ITSN1: variants seen among roughly 807,000 people sequenced by gnomAD.
ITSN1 encodes the protein intersectin 1.
A neutral mutation model predicts 239.8 loss-of-function variants in ITSN1; 58 were observed. That is an observed-to-expected ratio of 0.24 (90% confidence interval 0.20 to 0.30). The LOEUF (loss-of-function observed/expected upper bound fraction) is 0.30, where lower values mean the gene tolerates loss of function less well. Among genes scored for constraint, ITSN1 ranks in the 10% least tolerant of loss-of-function variants. ITSN1 has a pLI of 1.00. For synonymous variants in ITSN1, 780 were observed against 770.8 expected, an observed-to-expected ratio of 1.01 and a Z score of -0.20; for missense variants, 1,558 against 2,103.3, an observed-to-expected ratio of 0.74 and a Z score of 5.07.
chr21:33,690,779 A>ATG (rs2091481300), intron 1 of ITSN1, among the ~76,000 whole-genome samples: 1 of 19,914 alleles, frequency 5.0e-5, no homozygotes, highest in African/African-American at 2.3e-4. Context: ...AAAAGTGTAT[A>ATG]TATATATATA....
In ITSN1 at chr21:33,817,083, ACT is replaced by A. The variant is rs1358133895; in HGVS notation, c.2728-1177_2728-1176del. The A allele has an allele frequency of 8.9e-6, 9 of 1,008,342 alleles. No homozygotes were observed. In the East Asian group the frequency reaches 5.6e-4, roughly 62 times the overall value. The allele number at this position is 1,008,342 out of a possible 1,614,324, so 62.5% of individuals were successfully genotyped here. ...GCATGTACAAATTGGTTCTGAAGTAACTCTCTCTAGGCATTATCTTTTGTTCT... is the reference window on the plus strand; with the variant it reads ...GCATGTACAAATTGGTTCTGAAGTAACTCTCTAGGCATTATCTTTTGTTCT... On this transcript the variant is annotated intron_variant, in intron 22 of 39. Coordinates refer to ENST00000381318, the MANE Select transcript of ITSN1 (RefSeq NM_003024.3).
At chr21:33,823,457 T>G in intron 24 of ITSN1, 30 bp from the exon 25 acceptor site, 1 of 1,596,400 alleles carries the variant, frequency 6.3e-7, no homozygotes, top group Non-Finnish European at 8.6e-7. Flanking sequence ...AATCAAGCTC[T>G]CTCCGTATCT....
In ITSN1 at chr21:33,735,199, C is replaced by T; in HGVS notation, c.341C>T (p.Ala114Val). The T allele has an allele frequency of 2.5e-6, 4 of 1,612,528 alleles. No homozygotes were observed. The highest frequency in any genetic ancestry group is 2.2e-5 in the South Asian group (2 of 90,508). ...QQPVAISSAP[A>V]FGMGGIASMP... ...CCAGTTGCTATTTCTAGCGCACCAG[C>T]ATTTGGTAAGTCTGAAAATGAATTG... The change falls in exon 5 of 40, where the codon GCA becomes GTA. Residue 114 changes from alanine (A) to valine (V), a missense_variant. Coordinates refer to ENST00000381318, the MANE Select transcript of ITSN1 (RefSeq NM_003024.3).
chr21:33,755,853 C>CT (rs1409919188), intron 8 of ITSN1, among the ~76,000 whole-genome samples: 1 of 152,126 alleles, frequency 6.6e-6, no homozygotes, highest in Non-Finnish European at 1.5e-5. Context: ...TTGGATATTT[C>CT]TTTATCTATT....
intron 31 of ITSN1, among the ~76,000 whole-genome samples, chr21:33,862,660 C>T (rs1056713412): frequency 3.5e-4 from 54 of 152,176 alleles, no homozygotes; most frequent in African/African-American, 1.2e-3. Flanking sequence ...TGGAGGCAGT[C>T]GTGGCGGGAG....
intron 22 of ITSN1, among the ~76,000 whole-genome samples, chr21:33,816,876 G>A (rs897222779): frequency 2.0e-5 from 3 of 152,116 alleles, no homozygotes; most frequent in Non-Finnish European, 4.4e-5. Flanking sequence ...AGGAGTGAAT[G>A]TACAGCTAAG....
intron 29 of ITSN1, among the ~76,000 whole-genome samples, chr21:33,844,258 G>A (rs1303665628): frequency 3.3e-5 from 5 of 152,222 alleles, no homozygotes; most frequent in African/African-American, 9.6e-5. Context: ...CTACTCAGCA[G>A]ACTCTTGGTT....
rs75319833 is a variant in ITSN1 at position 33,748,366 on chromosome 21, C to T, written c.347-1777C>T. Among the ~76,000 whole-genome samples the T allele has an allele frequency of 7.2e-3, 1,093 of 152,080 alleles. 13 individuals are homozygous for T. The highest frequency in any genetic ancestry group is 0.025 in the African/African-American group (1,041 of 41,470). On this transcript the variant is annotated intron_variant, in intron 5 of 39. Transcript: ENST00000381318. ...TTGGAGGCTGAGGCAAAAGAATCCC[C>T]TGAGCCCAGGAGTTCAAGGTTACAG... is the stretch of plus-strand genomic sequence containing the variant.
intron 16 of ITSN1, among the ~76,000 whole-genome samples, chr21:33,787,221 C>G (rs890588277): frequency 6.6e-6 from 1 of 152,134 alleles, no homozygotes; most frequent in Non-Finnish European, 1.5e-5. Context: ...TGAATTTGAG[C>G]TTGTCTGCAA....
chr21:33,834,560 A>G (rs541648861), intron 28 of ITSN1, 136 bp downstream of exon 28: 8 of 673,610 alleles, frequency 1.2e-5, no homozygotes, highest in Non-Finnish European at 2.1e-5. Context: ...TGGGACTGAC[A>G]CCCAACTAAT....
At chr21:33,754,951 A>G (rs1432292492) in intron 7 of ITSN1, among the ~76,000 whole-genome samples, 3 of 152,252 alleles carry the variant, frequency 2.0e-5, no homozygotes, top group African/African-American at 7.2e-5. Flanking sequence ...TGTTTTAGAA[A>G]TTAGAATAGC....
intron 33 of ITSN1, among the ~76,000 whole-genome samples, chr21:33,873,207 T>C (rs550789952): frequency 1.8e-4 from 28 of 152,236 alleles, no homozygotes; most frequent in Non-Finnish European, 3.4e-4. Flanking sequence ...ACAGTGTGTG[T>C]TTTTCTCCAT....
chr21:33,858,577 C>A, intron 30 of ITSN1, 109 bp from the exon 31 acceptor site: 3 of 651,156 alleles, frequency 4.6e-6, no homozygotes, highest in Middle Eastern at 2.6e-4. Context: ...GGCCTCTCAG[C>A]CAAGGTACAG....
At position 33,856,983 on chromosome 21, in the gene ITSN1, C is replaced by T. The variant is rs538252339; in HGVS notation, c.3783+126C>T. ...AAACTTTCTGATGTTTGAGGAGCAT[C>T]TGGATGGCAAATGCTATAGGAGATT... On this transcript the variant is annotated intron_variant, in intron 30 of 39. Coordinates refer to ENST00000381318, the MANE Select transcript of ITSN1 (RefSeq NM_003024.3). 4.0e-5 allele frequency: 35 copies of T among 876,966 alleles called. No individual in the cohort carries two copies. The South Asian group carries it at 4.9e-4, about 12-fold the overall frequency. The allele number at this position is 876,966 out of a possible 1,614,324, so 54.3% of individuals were successfully genotyped here. A position where few individuals can be genotyped will look rare whatever the true frequency, so the allele number is the denominator to read the frequency against.
intron 4 of ITSN1, among the ~76,000 whole-genome samples, chr21:33,725,804 A>G (rs1569031963): frequency 6.6e-6 from 1 of 152,168 alleles, no homozygotes; most frequent in Non-Finnish European, 1.5e-5. Context: ...CTCTTTTCCC[A>G]AAAGAAATGT....
intron 1 of ITSN1, among the ~76,000 whole-genome samples, chr21:33,675,660 T>C (rs1371013639): frequency 2.6e-5 from 4 of 152,250 alleles, no homozygotes; most frequent in African/African-American, 9.6e-5. Flanking sequence ...GCTGTGTGCC[T>C]GTACCCAGAC....
intron 31 of ITSN1, among the ~76,000 whole-genome samples, chr21:33,863,383 C>T (rs993328207): frequency 2.0e-5 from 3 of 152,230 alleles, no homozygotes; most frequent in African/African-American, 4.8e-5. Context: ...GGGCCGGGCA[C>T]GGTGGCTCAT....
intron 3 of ITSN1, among the ~76,000 whole-genome samples, chr21:33,721,613 T>TA (rs879672265): frequency 2.9e-4 from 44 of 151,606 alleles, no homozygotes; most frequent in Non-Finnish European, 4.9e-4. Flanking sequence ...CTGGCCAACA[T>TA]GGTGAAACCC....
chr21:33,717,618 CAA>C (rs2065230612), intron 1 of ITSN1, among the ~76,000 whole-genome samples: 1 of 152,048 alleles, frequency 6.6e-6, no homozygotes, highest in African/African-American at 2.4e-5. Flanking sequence ...TGCAGGGGTG[CAA>C]TCTCGGCTCA....
Sources: gnomAD v4.1 joint callset for allele counts (sites outside exome capture counted in the v4.1 genomes callset) on GRCh38, gnomAD v4.1.1 for gene constraint, MANE v1.5 for transcripts, NCBI Gene and HGNC (gene_info 2026-07-23, HGNC 2026-07-21) for gene names.